Variants in MAP4K3 observed in about 807,000 individuals in gnomAD.
MAP4K3 encodes MAPK/ERK kinase kinase kinase 3.
A neutral mutation model predicts 143.5 loss-of-function variants in MAP4K3; 94 were observed. That is an observed-to-expected ratio of 0.65 (90% CI 0.55 to 0.78). The LOEUF (loss-of-function observed/expected upper bound fraction) is 0.78. Among genes scored for constraint, MAP4K3 ranks in the 30% least tolerant of loss-of-function variants. The pLI is 0.00. For missense variants in MAP4K3, 1,077 were observed against 1,068.1 expected (o/e 1.01, Z -0.12); for synonymous variants, 416 against 347.2 (o/e 1.20, Z -2.20).
intron 1 of MAP4K3, among the ~76,000 whole-genome samples, chr2:39,401,038 T>G (rs1409290749): frequency 6.6e-6 from 1 of 152,144 alleles, no homozygotes; most frequent in Non-Finnish European, 1.5e-5. Flanking sequence ...AGTTTTACAA[T>G]TGTCCCGGCT....
At chr2:39,424,632 C>G (rs1026101069) in intron 1 of MAP4K3, among the ~76,000 whole-genome samples, 2 of 151,802 alleles carry the variant, frequency 1.3e-5, no homozygotes, top group Non-Finnish European at 2.9e-5. Context: ...GAGTTTGATA[C>G]CAGCCAAGGC....
At chr2:39,318,638 C>T (rs960356893) in intron 12 of MAP4K3, among the ~76,000 whole-genome samples, 1 of 151,960 alleles carries the variant, frequency 6.6e-6, no homozygotes, top group Admixed American at 6.6e-5. Flanking sequence ...AAGAAACAAG[C>T]CATTCACAAT....
At chr2:39,303,711 G>C (rs906689571) in intron 15 of MAP4K3, among the ~76,000 whole-genome samples, 1 of 152,102 alleles carries the variant, frequency 6.6e-6, no homozygotes, top group African/African-American at 2.4e-5. Flanking sequence ...GCTAATTTCT[G>C]TATTTTCAAT....
chr2:39,392,563 G>A (rs1449655681), intron 1 of MAP4K3, among the ~76,000 whole-genome samples: 3 of 152,146 alleles, frequency 2.0e-5, no homozygotes, highest in Admixed American at 6.5e-5. Context: ...ACTGATATAT[G>A]TTTTATACTT....
At chr2:39,337,478 G>T in intron 5 of MAP4K3, 48 bp downstream of exon 5, 1 of 1,381,760 alleles carries the variant, frequency 7.2e-7, no homozygotes, top group Non-Finnish European at 1.0e-6. Flanking sequence ...AGTAAGTAAA[G>T]CCTTAGTTTA....
chr2:39,327,383 AT>A (rs1247553884), intron 8 of MAP4K3, among the ~76,000 whole-genome samples: 5 of 152,286 alleles, frequency 3.3e-5, no homozygotes, highest in African/African-American at 1.2e-4. Context: ...AAATTCAGTA[AT>A]TTTTTTGTTT....
intron 1 of MAP4K3, among the ~76,000 whole-genome samples, chr2:39,423,144 C>T (rs1664939715): frequency 6.6e-6 from 1 of 152,032 alleles, no homozygotes; most frequent in Non-Finnish European, 1.5e-5. Context: ...AAAATATATA[C>T]AGATAGCAAA....
intron 2 of MAP4K3, among the ~76,000 whole-genome samples, chr2:39,362,074 A>T (rs1665786620): frequency 6.6e-6 from 1 of 152,152 alleles, no homozygotes. Context: ...ATGCCAGTTG[A>T]ATCCTGAAAA....
chr2:39,292,056 C>G (rs1300793582), intron 18 of MAP4K3, among the ~76,000 whole-genome samples: 2 of 150,168 alleles, frequency 1.3e-5, no homozygotes, highest in Non-Finnish European at 3.0e-5. Context: ...AAAAAGTAAA[C>G]ATCAATGCAT....
Position 39,315,343 on chromosome 2 carries a change from C to T in MAP4K3, c.964G>A (p.Val322Met), listed in dbSNP as rs146697994. ...TCTGAGCGTGTTTTTTCTTCTCTCA[C>T]GTTTCTACTTGTTGAGTGAATTCTA... ...PHRIHSTSRN[V>M]REEKTRSEIT... The change falls in exon 13 of 34, where the codon GTG becomes ATG. Residue 322 changes from valine (V) to methionine (M), a missense_variant. By Grantham distance (21) the Val-to-Met change is conservative. Transcript: ENST00000263881. The T allele has an allele frequency of 7.5e-4, 1,216 of 1,612,444 alleles. 4 individuals carry two copies. The highest frequency in any genetic ancestry group is 2.4e-3 in the Admixed American group (143 of 59,962).
chr2:39,267,188 C>A lies in MAP4K3; in HGVS notation c.2032+1G>T. 6.2e-7 allele frequency: 1 copy of A among 1,613,922 alleles called. No homozygotes were observed. The highest frequency in any genetic ancestry group is 8.5e-7 in the Non-Finnish European group (1 of 1,179,890). On this transcript the variant is annotated splice_donor_variant, in intron 27 of 33. Transcript: ENST00000263881. LOFTEE classifies it high-confidence loss of function. ...TATATGCTATTGGACAGTTTACTTA[C>A]CAACACAACACTTCTGGCACCATTT... is the stretch of plus-strand genomic sequence containing the variant.
intron 28 of MAP4K3, among the ~76,000 whole-genome samples, chr2:39,264,401 G>T (rs6544216): frequency 0.69 from 104,113 of 151,730 alleles, 39,500 homozygotes; most frequent in Non-Finnish European, 0.84. Flanking sequence ...AATCTCGAGG[G>T]TAAAACTGAT....
rs112710421 is a variant in MAP4K3 at position 39,356,093 on chromosome 2, T to C, written c.245+156A>G. On this transcript the variant is annotated intron_variant, in intron 3 of 33. Coordinates refer to ENST00000263881, the MANE Select transcript of MAP4K3 (RefSeq NM_003618.4). ...TGCAATATTGGTTACAGAATTAACA[T>C]AGGTCCTAAGTAAAAATTCCATTGG... is the stretch of plus-strand genomic sequence containing the variant. The C allele has an allele frequency of 5.6e-4, 316 of 563,584 alleles. 3 individuals carry two copies. Among genetic ancestry groups the C allele is most frequent in the African/African-American group, 5.3e-3 (273 of 51,866 alleles). 34.9% of individuals were successfully genotyped at this position (563,584 alleles called of 1,614,324 possible).
intron 1 of MAP4K3, among the ~76,000 whole-genome samples, chr2:39,429,219 G>T (rs1287941299): frequency 6.6e-6 from 1 of 152,042 alleles, no homozygotes; most frequent in African/African-American, 2.4e-5. Flanking sequence ...CAATCCTGGA[G>T]AAGTTTTCCA....
chr2:39,325,005 C>T (rs565562109), intron 12 of MAP4K3, among the ~76,000 whole-genome samples: 7 of 151,850 alleles, frequency 4.6e-5, no homozygotes, highest in Admixed American at 1.3e-4. Context: ...AAGATAGAAA[C>T]GGGGTCTTGC....
At chr2:39,385,663 C>G (rs1666485280) in intron 1 of MAP4K3, among the ~76,000 whole-genome samples, 1 of 143,438 alleles carries the variant, frequency 7.0e-6, no homozygotes, top group African/African-American at 2.6e-5. Context: ...AAGTTTCACT[C>G]TTATCGCCCA....
At chr2:39,278,330 G>A in intron 24 of MAP4K3, 77 bp downstream of exon 24, 1 of 785,968 alleles carries the variant, frequency 1.3e-6, no homozygotes, top group African/African-American at 1.8e-5. Context: ...TCATGAAACT[G>A]AACCTTATTT....
chr2:39,344,750 A>C (rs1244526067), intron 3 of MAP4K3, among the ~76,000 whole-genome samples: 1 of 152,198 alleles, frequency 6.6e-6, no homozygotes, highest in African/African-American at 2.4e-5. Flanking sequence ...AAAACATTTA[A>C]ATTGGGTCTT....
At chr2:39,290,246 A>C (rs1681982362) in intron 19 of MAP4K3, 46 bp downstream of exon 19, 1 of 1,425,200 alleles carries the variant, frequency 7.0e-7, no homozygotes, top group East Asian at 2.3e-5. Flanking sequence ...TTAAATTGGC[A>C]GAACAATAAC....
Sources: gnomAD v4.1 joint callset for allele counts (sites outside exome capture counted in the v4.1 genomes callset) on GRCh38, gnomAD v4.1.1 for gene constraint, MANE v1.5 for transcripts, NCBI Gene and HGNC (gene_info 2026-07-23, HGNC 2026-07-21) for gene names.